Variants in PLD5 observed in about 807,000 individuals in gnomAD.
The protein encoded by PLD5 is inactive phospholipase D5.
PLD5 carries 36 observed loss-of-function variants against 61.1 expected under a neutral mutation model. The ratio of observed to expected loss-of-function variants is 0.59; its 90% confidence interval spans 0.45 to 0.78. The LOEUF is 0.78. Ranked by LOEUF, PLD5 falls within the 30% of genes least tolerant of loss-of-function variation. The probability of loss-of-function intolerance (pLI) is 0.00; values close to 1 mark genes in which losing one functional copy is unlikely to be tolerated. For missense variants in PLD5, 515 were observed against 644.4 expected (o/e 0.80, Z 2.17); for synonymous variants, 243 against 242.8 (o/e 1.00, Z -0.01).
intron 4 of PLD5, among the ~76,000 whole-genome samples, chr1:242,226,291 A>G (rs1344857113): frequency 1.3e-5 from 2 of 152,148 alleles, no homozygotes; most frequent in African/African-American, 4.8e-5. Context: ...AGAGATGCAT[A>G]CATCACAATG....
chr1:242,220,183 CA>C, intron 4 of PLD5, 68 bp from the exon 5 acceptor site: 1 of 1,565,340 alleles, frequency 6.4e-7, no homozygotes, highest in South Asian at 1.1e-5. Context: ...AGTCACCTAC[CA>C]GTGGAAATAT....
rs1043840289 is a variant in PLD5, at chr1:242,134,308, T to A, written c.736-9643A>T. Among the ~76,000 whole-genome samples, 8 of 152,166 alleles carry A rather than the reference T, an allele frequency of 5.3e-5. No individual in the cohort carries two copies. The East Asian group carries it at 1.5e-3, about 29-fold the overall frequency. Reference sequence around the variant, plus strand: ...TACTATGCTGAACATGCCTTATCTCTGAAGCTAAGCAGGGTCAGGCCTGGT... The same window carrying A: ...TACTATGCTGAACATGCCTTATCTCAGAAGCTAAGCAGGGTCAGGCCTGGT... On this transcript the variant is annotated intron_variant, in intron 5 of 9. Coordinates refer to ENST00000536534, the MANE Select transcript of PLD5 (RefSeq NM_001372062.1).
At chr1:242,227,670 A>G (rs1047221671) in intron 4 of PLD5, among the ~76,000 whole-genome samples, 1 of 152,106 alleles carries the variant, frequency 6.6e-6, no homozygotes, top group African/African-American at 2.4e-5. Flanking sequence ...AGCCCTCTTC[A>G]CTGTTCTTTA....
intron 9 of PLD5, among the ~76,000 whole-genome samples, chr1:242,092,649 A>G (rs1221013971): frequency 6.6e-6 from 1 of 152,152 alleles, no homozygotes; most frequent in Non-Finnish European, 1.5e-5. Flanking sequence ...TTCGCTGCAG[A>G]AATCACTAAG....
At chr1:242,489,831 A>T (rs576604124) in intron 1 of PLD5, among the ~76,000 whole-genome samples, 1 of 152,366 alleles carries the variant, frequency 6.6e-6, no homozygotes, top group East Asian at 1.9e-4. Context: ...AAAAGGAGAG[A>T]TCATTTCCCG....
At chr1:242,448,485 T>A (rs1405178114) in intron 1 of PLD5, among the ~76,000 whole-genome samples, 2 of 152,232 alleles carry the variant, frequency 1.3e-5, no homozygotes, top group Non-Finnish European at 2.9e-5. Context: ...TGATATGTAA[T>A]CCTATTTATT....
intron 5 of PLD5, among the ~76,000 whole-genome samples, chr1:242,183,292 T>C (rs1667638911): frequency 6.6e-6 from 1 of 152,170 alleles, no homozygotes; most frequent in South Asian, 2.1e-4. Flanking sequence ...TGTTAAATAT[T>C]TGTAATGTTA....
At chr1:242,377,433 G>T in intron 1 of PLD5, 1 of 840,320 alleles carries the variant, frequency 1.2e-6, no homozygotes, top group Non-Finnish European at 2.0e-6. Context: ...GTCTTCTTTT[G>T]TTTCCTCCTC....
chr1:242,369,930 T>C (rs1340948858), intron 1 of PLD5, among the ~76,000 whole-genome samples: 3 of 152,210 alleles, frequency 2.0e-5, no homozygotes, highest in African/African-American at 7.2e-5. Flanking sequence ...AACTAGAGAA[T>C]GACAGAACTG....
chr1:242,150,463 G>C (rs1664849487), intron 5 of PLD5, among the ~76,000 whole-genome samples: 1 of 151,356 alleles, frequency 6.6e-6, no homozygotes, highest in Non-Finnish European at 1.5e-5. Context: ...ATTTGTTTTT[G>C]CTTTATATAT....
chr1:242,429,004 T>C (rs1254341580), intron 1 of PLD5, among the ~76,000 whole-genome samples: 1 of 152,232 alleles, frequency 6.6e-6, no homozygotes, highest in Admixed American at 6.5e-5. Flanking sequence ...TAAAGATGGA[T>C]GTGGCCCTGT....
At position 242,266,269 on chromosome 1, in the gene PLD5, T is replaced by A. The variant is rs867544441; in HGVS notation, c.496-821A>T. On this transcript the variant is annotated intron_variant, in intron 3 of 9. Coordinates refer to ENST00000536534, the MANE Select transcript of PLD5 (RefSeq NM_001372062.1). Reference sequence around the variant, plus strand: ...GGTGGTGCGCACTTTTATTCCCAGCTACTCAGGAGGCTGAGGCAGGAGAAT... The same window carrying A: ...GGTGGTGCGCACTTTTATTCCCAGCAACTCAGGAGGCTGAGGCAGGAGAAT... 2.0e-5 allele frequency among the ~76,000 whole-genome samples: 3 copies of A among 152,220 alleles called. No individual in the cohort carries two copies. The Middle Eastern group carries it at 0.01, about 518-fold the overall frequency.
At position 242,220,178 on chromosome 1, in the gene PLD5, CCT is replaced by C. The variant is rs2149007517; in HGVS notation, c.608-65_608-64del. ...AAGGCCCTGCCTGGGCTGTCAGTCACCTACCAGTGGAAATATTCATGGTTCAC... is the reference window on the plus strand; with the variant it reads ...AAGGCCCTGCCTGGGCTGTCAGTCACACCAGTGGAAATATTCATGGTTCAC... On this transcript the variant is annotated intron_variant, in intron 4 of 9. Transcript: ENST00000536534. 9.5e-6 allele frequency: 15 copies of C among 1,575,706 alleles called. No individual in the cohort carries two copies. In the South Asian group the frequency reaches 1.6e-4, roughly 17 times the overall value.
intron 1 of PLD5, among the ~76,000 whole-genome samples, chr1:242,393,595 T>C (rs1433577518): frequency 1.0e-5 from 1 of 96,956 alleles, no homozygotes; most frequent in Non-Finnish European, 2.0e-5. Context: ...TACATATGTG[T>C]ATATATATGA....
intron 7 of PLD5, among the ~76,000 whole-genome samples, chr1:242,112,355 A>T (rs983222080): frequency 7.0e-6 from 1 of 143,314 alleles, no homozygotes; most frequent in Non-Finnish European, 1.5e-5. Flanking sequence ...ATATATATAG[A>T]TGGAGTCTCA....
At chr1:242,129,689 C>T (rs561588143) in intron 5 of PLD5, among the ~76,000 whole-genome samples, 8 of 152,286 alleles carry the variant, frequency 5.3e-5, no homozygotes, top group African/African-American at 1.4e-4. Flanking sequence ...TGTTTTGTCA[C>T]GTGGATATTT....
chr1:242,220,296 C>T (rs1670484095), intron 4 of PLD5, among the ~76,000 whole-genome samples, 181 bp from the exon 5 acceptor site: 1 of 144,470 alleles, frequency 6.9e-6, no homozygotes, highest in Non-Finnish European at 1.5e-5. Flanking sequence ...TTCCCTAAAA[C>T]AAAGAAAACT....
At chr1:242,458,455 G>C (rs1054779095) in intron 1 of PLD5, among the ~76,000 whole-genome samples, 3 of 152,178 alleles carry the variant, frequency 2.0e-5, no homozygotes, top group Admixed American at 6.5e-5. Flanking sequence ...CTCTTAAGTG[G>C]AAAGGGGCAG....
chr1:242,274,612 G>A (rs1674305389), intron 3 of PLD5, among the ~76,000 whole-genome samples: 1 of 152,280 alleles, frequency 6.6e-6, no homozygotes, highest in Admixed American at 6.5e-5. Flanking sequence ...AAATTAGCCA[G>A]GTGTGGTGGC....
Sources: gnomAD v4.1 joint callset for allele counts (sites outside exome capture counted in the v4.1 genomes callset) on GRCh38, gnomAD v4.1.1 for gene constraint, MANE v1.5 for transcripts, NCBI Gene and HGNC (gene_info 2026-07-23, HGNC 2026-07-21) for gene names.